Variants in LINGO2 observed in about 807,000 individuals in gnomAD.
LINGO2 encodes the protein leucine rich repeat and Ig domain containing 2, also known as leucine-rich repeat and immunoglobulin-like domain-containing nogo receptor-interacting protein 2.
Under a neutral mutation model 30.6 loss-of-function variants are expected in LINGO2, and 14 were observed. The observed-to-expected ratio is 0.46, with a 90% CI of 0.30 to 0.72. The LOEUF (loss-of-function observed/expected upper bound fraction) is 0.72, where lower values mean the gene tolerates loss of function less well. Among genes scored for constraint, LINGO2 ranks in the 30% least tolerant of loss-of-function variants. The pLI, the probability that LINGO2 is intolerant of heterozygous loss-of-function variation, is 0.07. For synonymous variants in LINGO2, 317 were observed against 288.5 expected, an observed-to-expected ratio of 1.10 and a Z score of -1.00; for missense variants, 729 against 751.7, an observed-to-expected ratio of 0.97 and a Z score of 0.35.
intron 4 of LINGO2, among the ~76,000 whole-genome samples, chr9:28,040,990 T>G (rs1227520724): frequency 6.6e-6 from 1 of 152,156 alleles, no homozygotes; most frequent in Non-Finnish European, 1.5e-5. Context: ...ATATTGACAG[T>G]ATCTATAGCA....
At chr9:28,782,157 A>G in the LINGO2 span, among the ~76,000 whole-genome samples, 1 of 152,176 alleles carries the variant, frequency 6.6e-6, no homozygotes, top group Admixed American at 6.5e-5. Context: ...AGCTCTGTCC[A>G]GTGGTATGGC....
chr9:27,969,204 CTT>C (rs1399372992), intron 5 of LINGO2, among the ~76,000 whole-genome samples: 1 of 151,962 alleles, frequency 6.6e-6, no homozygotes, highest in African/African-American at 2.4e-5. Flanking sequence ...GGAAATTTAA[CTT>C]TGTTTTATGG....
chr9:28,277,653 C>CA (rs1823164751), intron 4 of LINGO2, among the ~76,000 whole-genome samples: 1 of 151,514 alleles, frequency 6.6e-6, no homozygotes, highest in African/African-American at 2.4e-5. Context: ...AAAACACACA[C>CA]AAAAAATTAG....
At chr9:28,300,228 G>A (rs1298577713) in intron 3 of LINGO2, among the ~76,000 whole-genome samples, 1 of 151,678 alleles carries the variant, frequency 6.6e-6, no homozygotes, top group Non-Finnish European at 1.5e-5. Flanking sequence ...TCAGTGTTTT[G>A]CTGATGAACA....
intron 4 of LINGO2, among the ~76,000 whole-genome samples, chr9:28,235,275 A>C (rs977255457): frequency 6.6e-6 from 1 of 152,210 alleles, no homozygotes; most frequent in African/African-American, 2.4e-5. Context: ...CAAGACCAGC[A>C]AGGAGGTACC....
chr9:28,063,313 T>C (rs1000218894), intron 4 of LINGO2, among the ~76,000 whole-genome samples: 1 of 152,172 alleles, frequency 6.6e-6, no homozygotes, highest in African/African-American at 2.4e-5. Context: ...AATATTAATT[T>C]TTTAAAACCA....
intron 1 of LINGO2, among the ~76,000 whole-genome samples, chr9:28,581,955 A>G (rs915982910): frequency 1.3e-5 from 2 of 151,998 alleles, no homozygotes; most frequent in African/African-American, 2.4e-5. Context: ...CAATTACACA[A>G]TGATAAACAC....
At chr9:29,102,001 AAAGTATTT>A in the LINGO2 span, among the ~76,000 whole-genome samples, 2 of 152,142 alleles carry the variant, frequency 1.3e-5, no homozygotes, top group Admixed American at 1.3e-4. Flanking sequence ...GTGCTTTATA[AAAGTATTT>A]AAGTCATAGT....
At chr9:29,026,018 A>G in the LINGO2 span, among the ~76,000 whole-genome samples, 4 of 151,900 alleles carry the variant, frequency 2.6e-5, no homozygotes, top group Admixed American at 2.6e-4. Context: ...AGAAATTTAT[A>G]TTATTGCTTT....
intron 2 of LINGO2, among the ~76,000 whole-genome samples, chr9:28,385,680 T>C (rs915419824): frequency 2.0e-5 from 3 of 152,184 alleles, no homozygotes; most frequent in African/African-American, 7.2e-5. Context: ...AAATACTCTA[T>C]GAATTGTGTT....
chr9:28,742,573 T>G, the LINGO2 span, among the ~76,000 whole-genome samples: 14 of 152,066 alleles, frequency 9.2e-5, 1 homozygote, highest in Non-Finnish European at 1.6e-4. Flanking sequence ...CCTCTCTACT[T>G]CTTTGCACTA....
intron 2 of LINGO2, among the ~76,000 whole-genome samples, chr9:28,419,066 T>C (rs954582812): frequency 3.3e-5 from 5 of 152,100 alleles, no homozygotes; most frequent in African/African-American, 7.2e-5. Context: ...TTAAAGCATA[T>C]TATTATTTTA....
At chr9:28,082,119 G>A (rs1337246241) in intron 4 of LINGO2, among the ~76,000 whole-genome samples, 1 of 152,104 alleles carries the variant, frequency 6.6e-6, no homozygotes, top group Admixed American at 6.6e-5. Flanking sequence ...CTATCTTCCT[G>A]CCAGAAGTAG....
At chr9:28,848,978 T>C in the LINGO2 span, among the ~76,000 whole-genome samples, 1 of 152,074 alleles carries the variant, frequency 6.6e-6, no homozygotes, top group East Asian at 1.9e-4. Flanking sequence ...ATCTGAATAG[T>C]GATAAACAGA....
chr9:28,041,606 G>A (rs1273075625), intron 4 of LINGO2, among the ~76,000 whole-genome samples: 1 of 152,112 alleles, frequency 6.6e-6, no homozygotes, highest in Non-Finnish European at 1.5e-5. Context: ...TCTGACTTGA[G>A]ATGTAAAATC....
chr9:28,506,451 C>T (rs143986954), intron 1 of LINGO2, among the ~76,000 whole-genome samples: 1,052 of 99,864 alleles, frequency 0.011, 28 homozygotes, highest in Middle Eastern at 0.039. Flanking sequence ...CACACACACA[C>T]ACACATACAC....
At chr9:28,054,549 C>A (rs987136963) in intron 4 of LINGO2, among the ~76,000 whole-genome samples, 1 of 152,020 alleles carries the variant, frequency 6.6e-6, no homozygotes, top group African/African-American at 2.4e-5. Context: ...GTTTGAAGTT[C>A]CATTAACTGT....
chr9:28,651,211 G>A (rs1828089262), intron 1 of LINGO2, among the ~76,000 whole-genome samples: 1 of 151,744 alleles, frequency 6.6e-6, no homozygotes, highest in South Asian at 2.1e-4. Context: ...TTATGGGTTA[G>A]TACAGAAGAG....
In LINGO2 at chr9:28,277,038, C is replaced by T. The variant is rs189521982; in HGVS notation, c.-87+18170G>A. Among the ~76,000 whole-genome samples the T allele has an allele frequency of 1.3e-3, 195 of 152,256 alleles. 1 individual carries two copies. The highest frequency in any genetic ancestry group is 4.4e-3 in the African/African-American group (181 of 41,526). On this transcript the variant is annotated intron_variant, in intron 4 of 5. Transcript: ENST00000379992. ...ATCTACCAGTTCTCTCATTTACACA[C>T]TCAAACTTCATTTTATTTTGCTTTG...
Sources: allele counts gnomAD v4.1 joint callset (sites outside exome capture counted in the v4.1 genomes callset), GRCh38; gene constraint gnomAD v4.1.1; transcripts MANE v1.5; gene names NCBI Gene and HGNC (gene_info 2026-07-23, HGNC 2026-07-21).